Variants in RIOK1 observed in about 807,000 individuals in gnomAD.
RIOK1 encodes the protein serine/threonine-protein kinase RIO1.
In RIOK1, 66 loss-of-function variants were observed where a neutral mutation model predicts 73.5. That is an observed-to-expected ratio of 0.90 (90% confidence interval 0.74 to 1.10). The LOEUF (loss-of-function observed/expected upper bound fraction) is 1.10, where lower values mean the gene tolerates loss of function less well. Among genes scored for constraint, RIOK1 ranks in the 50% least tolerant of loss-of-function variants. The pLI, the probability that RIOK1 is intolerant of heterozygous loss-of-function variation, is 0.00. For missense variants in RIOK1, 658 were observed against 699.8 expected (o/e 0.94, Z 0.67); for synonymous variants, 224 against 226.8 (o/e 0.99, Z 0.11).
At chr6:7,393,600 T>C (rs1340520754) in intron 2 of RIOK1, among the ~76,000 whole-genome samples, 1 of 152,190 alleles carries the variant, frequency 6.6e-6, no homozygotes, top group Non-Finnish European at 1.5e-5. Context: ...TTAAGAAACA[T>C]GGTAAAAAAG....
In RIOK1 at chr6:7,402,683, A is replaced by G. The variant is rs777397903; in HGVS notation, c.654A>G (p.Lys218=). ...ATAAAACTTCTATTTTGGTGTTCAA[A>G]GATCGGGATAAATATGTAAGTGGAG... ...KIYKTSILVF[K]DRDKYVSGEF... is the part of the protein sequence containing the mutation. The change falls in exon 7 of 17, where the codon AAA becomes AAG. Residue 218 remains lysine (K), a synonymous_variant. Transcript: ENST00000379834. The G allele has an allele frequency of 1.2e-6, 2 of 1,612,094 alleles. No individual in the cohort carries two copies. Among genetic ancestry groups the G allele is most frequent in the South Asian group, 1.1e-5 (1 of 90,680 alleles).
intron 3 of RIOK1, among the ~76,000 whole-genome samples, chr6:7,395,986 G>T (rs983603377): frequency 6.6e-6 from 1 of 152,188 alleles, no homozygotes; most frequent in African/African-American, 2.4e-5. Flanking sequence ...GGGATTACAG[G>T]TGTGAGCCAC....
chr6:7,391,611 G>A (rs1761343002), intron 1 of RIOK1, among the ~76,000 whole-genome samples: 4 of 152,212 alleles, frequency 2.6e-5, no homozygotes, highest in Admixed American at 2.6e-4. Context: ...GGATACACCA[G>A]TGATTTTCCA....
In RIOK1 at chr6:7,393,164, ATG is replaced by A. The variant is rs1357985837; in HGVS notation, c.140_141del (p.Val47GlufsTer2). On this transcript the variant is annotated frameshift_variant, in exon 2 of 17. Transcript: ENST00000379834. LOFTEE classifies it high-confidence loss of function. Reference sequence around the variant, plus strand: ...ATTCTGTTTGAAGACCTTCAAGACAATGTGAATGAGAATGGTGAAGGTGAAAT... The same window carrying A: ...ATTCTGTTTGAAGACCTTCAAGACAATGAATGAGAATGGTGAAGGTGAAAT... 3.7e-6 allele frequency: 6 copies of A among 1,613,640 alleles called. No individual in the cohort carries two copies. In the Admixed American group the frequency reaches 8.3e-5, roughly 22 times the overall value.
intron 12 of RIOK1, among the ~76,000 whole-genome samples, chr6:7,406,887 C>T (rs1206173114): frequency 6.6e-6 from 1 of 152,208 alleles, no homozygotes; most frequent in Non-Finnish European, 1.5e-5. Flanking sequence ...GTCTCCAACT[C>T]CTGGCCTTAA....
chr6:7,405,335 A>G lies in RIOK1; in HGVS notation c.1183A>G (p.Met395Val), dbSNP rs1561878585. 13 of 1,605,442 alleles carry G rather than the reference A, an allele frequency of 8.1e-6. No individual in the cohort carries two copies. Among genetic ancestry groups the G allele is most frequent in the East Asian group, 2.2e-5 (1 of 44,840 alleles). The change falls in exon 12 of 17, where the codon ATG (methionine) becomes GTG (valine). Residue 395 changes from methionine (M) to valine (V), a missense_variant. By Grantham distance (21) the Met-to-Val change is conservative. Coordinates refer to ENST00000379834, the MANE Select transcript of RIOK1 (RefSeq NM_031480.3). The part of the protein sequence containing the change: ...VTDPSITHEN[M>V]DAYLSKAMEI... ...AGATCCATCCATTACACATGAGAAC[A>G]TGGATGCTTATCTCTCAAAGGTAAG...
In RIOK1 at chr6:7,390,091, G is replaced by A. The variant is rs1172666888; in HGVS notation, c.71+18G>A. On this transcript the variant is annotated intron_variant, in intron 1 of 16. Coordinates refer to ENST00000379834, the MANE Select transcript of RIOK1 (RefSeq NM_031480.3). ...TCTGACAGGTAGGCGGCCGTACAGT[G>A]CCCTGGCTCTGGGTACGGCTCTCTC... 1 of 1,553,034 alleles carries A rather than the reference G, an allele frequency of 6.4e-7. No individual in the cohort carries two copies. Among genetic ancestry groups the A allele is most frequent in the Non-Finnish European group, 8.7e-7 (1 of 1,147,908 alleles).
intron 6 of RIOK1, 141 bp from the exon 7 acceptor site, chr6:7,402,462 T>G: frequency 1.7e-6 from 1 of 589,024 alleles, no homozygotes; most frequent in Non-Finnish European, 2.9e-6. Context: ...TTTTACATTT[T>G]AATTCACATA....
rs1762037753 is a variant in RIOK1 at position 7,417,462 on chromosome 6, C to T, written c.*21C>T. On this transcript the variant is annotated 3_prime_UTR_variant, in exon 17 of 17. Coordinates refer to ENST00000379834, the MANE Select transcript of RIOK1 (RefSeq NM_031480.3). ...AATAGAATGAGAACCATATTATGTA[C>T]AGTCATTTTCCTCAGTTCCTTTTCT... is the stretch of plus-strand genomic sequence containing the variant. 1 of 1,408,362 alleles carries T rather than the reference C, an allele frequency of 7.1e-7. No individual in the cohort carries two copies. The highest frequency in any genetic ancestry group is 2.4e-5 in the East Asian group (1 of 41,416). 87.2% of individuals were successfully genotyped at this position (1,408,362 alleles called of 1,614,324 possible).
At chr6:7,403,476 T>C (rs963137302) in intron 8 of RIOK1, among the ~76,000 whole-genome samples, 2 of 152,226 alleles carry the variant, frequency 1.3e-5, no homozygotes, top group Non-Finnish European at 2.9e-5. Flanking sequence ...AAATGTCTTA[T>C]AACTTTTTAT....
Position 7,411,463 on chromosome 6 carries a change from G to C in RIOK1, c.1389+12G>C. Reference sequence around the variant, plus strand: ...CCCAACAAGATAATGTAAGTAGCTTGGTTTGTATATAGCAAGCAGCTCTTC... The same window carrying C: ...CCCAACAAGATAATGTAAGTAGCTTCGTTTGTATATAGCAAGCAGCTCTTC... On this transcript the variant is annotated intron_variant, in intron 14 of 16. Transcript: ENST00000379834. 1.9e-6 allele frequency: 3 copies of C among 1,613,620 alleles called. No individual in the cohort carries two copies. The South Asian group carries it at 3.3e-5, about 18-fold the overall frequency.
chr6:7,404,514 T>C lies in RIOK1; in HGVS notation c.951T>C (p.Asp317=), dbSNP rs776764843. 6.2e-7 allele frequency: 1 copy of C among 1,614,216 alleles called. No individual in the cohort carries two copies. Among genetic ancestry groups the C allele is most frequent in the South Asian group, 1.1e-5 (1 of 91,086 alleles). ...VIQYMRRMYQ[D]ARLVHADLSE... is the part of the protein sequence containing the mutation. ...AGTACATGAGAAGAATGTATCAGGATGCCAGACTTGTCCATGCAGATCTCA... is the reference window on the plus strand; with the variant it reads ...AGTACATGAGAAGAATGTATCAGGACGCCAGACTTGTCCATGCAGATCTCA... Residue 317 remains aspartate (D), a synonymous_variant, in exon 10 of 17, where the codon GAT becomes GAC. Coordinates refer to ENST00000379834, the MANE Select transcript of RIOK1 (RefSeq NM_031480.3).
At chr6:7,412,991 G>A (rs772894246) in intron 15 of RIOK1, 49 bp downstream of exon 15, 2 of 1,027,732 alleles carry the variant, frequency 1.9e-6, no homozygotes, top group Non-Finnish European at 2.9e-6. Context: ...CAGTTTTAAA[G>A]GATATAAACT....
In RIOK1 at chr6:7,409,213, T is replaced by TTGTGTGTG. The variant is rs58234662; in HGVS notation, c.1204-1123_1204-1116dup. On this transcript the variant is annotated intron_variant, in intron 12 of 16. Coordinates refer to ENST00000379834, the MANE Select transcript of RIOK1 (RefSeq NM_031480.3). The stretch of plus-strand genomic sequence containing the variant: ...GGAGCCCACCACCACTCCCGACTAA[T>TTGTGTGTG]TGTGTGTGTGTGTGTGTGTGTGTGT... 3.9e-4 allele frequency among the ~76,000 whole-genome samples: 34 copies of TTGTGTGTG among 88,232 alleles called. 1 individual carries two copies. The highest frequency in any genetic ancestry group is 7.2e-3 in the Middle Eastern group (1 of 138). The allele number at this position is 88,232 out of a possible 152,430, so 57.9% of individuals were successfully genotyped here.
rs1285982863 is a variant in RIOK1 at position 7,414,296 on chromosome 6, T to C, written c.1502T>C (p.Ile501Thr). Residue 501 changes from isoleucine to threonine, a missense_variant, in exon 16 of 17, where the codon ATT (isoleucine) becomes ACT (threonine). Coordinates refer to ENST00000379834, the MANE Select transcript of RIOK1 (RefSeq NM_031480.3). Reference protein sequence around the residue: ...EERTCSDSEDIGSSECSDTDS... With the variant: ...EERTCSDSEDTGSSECSDTDS... ...AGGACTTGTTCTGATTCAGAAGATA[T>C]TGGAAGCTCTGAGTGCTCTGACACA... The C allele has an allele frequency of 1.9e-6, 3 of 1,613,856 alleles. No individual in the cohort carries two copies. Among genetic ancestry groups the C allele is most frequent in the Middle Eastern group, 1.6e-4 (1 of 6,082 alleles).
chr6:7,392,027 C>T (rs1761354388), intron 1 of RIOK1, among the ~76,000 whole-genome samples: 1 of 152,160 alleles, frequency 6.6e-6, no homozygotes, highest in South Asian at 2.1e-4. Flanking sequence ...ATATTATCAG[C>T]TGCTTTTTTA....
intron 12 of RIOK1, 45 bp downstream of exon 12, chr6:7,405,400 T>C (rs1234407351): frequency 8.9e-7 from 1 of 1,129,652 alleles, no homozygotes; most frequent in Non-Finnish European, 1.3e-6. Flanking sequence ...GCAGTACAGG[T>C]GCAGTATCTC....
At chr6:7,407,820 G>GT (rs935300517) in intron 12 of RIOK1, among the ~76,000 whole-genome samples, 8 of 151,468 alleles carry the variant, frequency 5.3e-5, no homozygotes, top group South Asian at 2.1e-4. Context: ...ATCAGGTTTG[G>GT]TTTTTTTTGT....
intron 2 of RIOK1, among the ~76,000 whole-genome samples, chr6:7,394,160 G>A (rs1761412124): frequency 6.6e-6 from 1 of 152,170 alleles, no homozygotes; most frequent in Non-Finnish European, 1.5e-5. Flanking sequence ...TCGGCTGGGC[G>A]CAGTGGCTCC....
Sources: gnomAD v4.1 joint callset for allele counts (sites outside exome capture counted in the v4.1 genomes callset) on GRCh38, gnomAD v4.1.1 for gene constraint, MANE v1.5 for transcripts, NCBI Gene and HGNC (gene_info 2026-07-23, HGNC 2026-07-21) for gene names.